Variants in SLC37A2 observed in about 807,000 individuals in gnomAD.
SLC37A2 encodes glucose-6-phosphate exchanger SLC37A2.
SLC37A2 carries 59 observed loss-of-function variants against 70.7 expected under a neutral mutation model. That is an observed-to-expected ratio of 0.83 (90% CI 0.68 to 1.04). SLC37A2 has a LOEUF of 1.04. Ranked by LOEUF, SLC37A2 falls within the 50% of genes least tolerant of loss-of-function variation. The probability of loss-of-function intolerance (pLI) is 0.00; values close to 1 mark genes in which losing one functional copy is unlikely to be tolerated. For missense variants in SLC37A2, 580 were observed against 658.1 expected, an observed-to-expected ratio of 0.88 and a Z score of 1.30; for synonymous variants, 257 against 262.1, an observed-to-expected ratio of 0.98 and a Z score of 0.19.
chr11:125,085,799 C>T, intron 16 of SLC37A2, 125 bp downstream of exon 16: 2 of 1,257,284 alleles, frequency 1.6e-6, no homozygotes, highest in Non-Finnish European at 2.3e-6. Flanking sequence ...GCCCTTTGCT[C>T]AGAAGCACTC....
At position 125,077,474 on chromosome 11, in the gene SLC37A2, TA is replaced by T. The variant is rs1949101099; in HGVS notation, c.261del (p.Gly89AlafsTer77). On this transcript the variant is annotated frameshift_variant, in exon 4 of 18. Coordinates refer to ENST00000403796, the MANE Select transcript of SLC37A2 (RefSeq NM_001145290.2). LOFTEE classifies it high-confidence loss of function. ...PFDKDNYKEL[L>X]GGVDNAFLIA... Reference sequence around the variant, plus strand: ...GACAAGGACAACTATAAGGAGTTACTAGGGGGCGTGGACAACGCCTTCCTCA... The same window carrying T: ...GACAAGGACAACTATAAGGAGTTACTGGGGGCGTGGACAACGCCTTCCTCA... 1 of 1,613,758 alleles carries T rather than the reference TA, an allele frequency of 6.2e-7. No individual in the cohort carries two copies. Among genetic ancestry groups the T allele is most frequent in the African/African-American group, 1.3e-5 (1 of 74,930 alleles).
chr11:125,082,363 G>C (rs577259360), intron 10 of SLC37A2, 29 bp downstream of exon 10: 1 of 1,606,182 alleles, frequency 6.2e-7, no homozygotes, highest in African/African-American at 1.3e-5. Context: ...GAATGAAGGG[G>C]TCTCTGAGGA....
chr11:125,069,548 C>T (rs1366551593), intron 1 of SLC37A2, among the ~76,000 whole-genome samples: 5 of 152,202 alleles, frequency 3.3e-5, no homozygotes, highest in African/African-American at 4.8e-5. Flanking sequence ...TTATAAATTT[C>T]TGTGGAGGGA....
At position 125,084,859 on chromosome 11, in the gene SLC37A2, T is replaced by C. The variant is rs1240763165; in HGVS notation, c.1160T>C (p.Ile387Thr). 2 of 1,613,752 alleles carry C rather than the reference T, an allele frequency of 1.2e-6. No homozygotes were observed. The highest frequency in any genetic ancestry group is 1.7e-6 in the Non-Finnish European group (2 of 1,179,866). ...FLYNYIGQDG[I>T]ASSIVMLIIC... Reference sequence around the variant, plus strand: ...TACAACTACATTGGCCAGGACGGGATTGCCAGCTCCATAGGTGAGGAGGAG... The same window carrying C: ...TACAACTACATTGGCCAGGACGGGACTGCCAGCTCCATAGGTGAGGAGGAG... The change falls in exon 13 of 18, where the codon ATT (isoleucine) becomes ACT (threonine). Residue 387 changes from isoleucine to threonine, a missense_variant. Coordinates refer to ENST00000403796, the MANE Select transcript of SLC37A2 (RefSeq NM_001145290.2).
chr11:125,076,436 G>A (rs1196555701), intron 1 of SLC37A2, among the ~76,000 whole-genome samples: 1 of 152,062 alleles, frequency 6.6e-6, no homozygotes, highest in Non-Finnish European at 1.5e-5. Flanking sequence ...ACACACACAG[G>A]CGCCCTGACC....
Position 125,080,043 on chromosome 11 carries a change from C to T in SLC37A2, c.527+283C>T, listed in dbSNP as rs189202940. 2.0e-3 allele frequency among the ~76,000 whole-genome samples: 312 copies of T among 152,310 alleles called. 3 individuals carry two copies. Among genetic ancestry groups the T allele is most frequent in the African/African-American group, 7.0e-3 (292 of 41,554 alleles). ...CCTATAAAACTTCCGCCCTGCCCCC[C>T]AACCCCGACCCCGAATTGGCTTGTG... is the stretch of plus-strand genomic sequence containing the variant. On this transcript the variant is annotated intron_variant, in intron 6 of 17. Coordinates refer to ENST00000403796, the MANE Select transcript of SLC37A2 (RefSeq NM_001145290.2). This position sits in a 1 kb window ranked among gnomAD's most constrained non-coding sequence, Gnocchi z 4.3.
At chr11:125,074,039 C>T (rs939104559) in intron 1 of SLC37A2, among the ~76,000 whole-genome samples, 5 of 152,226 alleles carry the variant, frequency 3.3e-5, no homozygotes, top group Non-Finnish European at 7.3e-5. Context: ...CCTTCCCAGC[C>T]AGCTCTGCTT....
chr11:125,081,589 A>G (rs1949150827), intron 8 of SLC37A2, 131 bp downstream of exon 8: 2 of 1,374,740 alleles, frequency 1.5e-6, no homozygotes, highest in African/African-American at 2.9e-5. Flanking sequence ...TGCTAGGCCC[A>G]TGGGTTGGCC....
In SLC37A2 at chr11:125,085,633, G is replaced by A. The variant is rs1565400604; in HGVS notation, c.1384G>A (p.Val462Ile). 1 of 1,613,746 alleles carries A rather than the reference G, an allele frequency of 6.2e-7. No individual in the cohort carries two copies. Among genetic ancestry groups the A allele is most frequent in the East Asian group, 2.2e-5 (1 of 44,808 alleles). ...CATCTCCCCCACGGGCTGGAACAAT[G>A]TCTTCTACATGCTCATCTCTGCCGA... ...GLISPTGWNNVFYMLISADVL... is the reference protein window; with the variant it reads ...GLISPTGWNNIFYMLISADVL... The change falls in exon 16 of 18, where the codon GTC becomes ATC. Residue 462 changes from valine to isoleucine, a missense_variant. Coordinates refer to ENST00000403796, the MANE Select transcript of SLC37A2 (RefSeq NM_001145290.2).
rs751386677 is a variant in SLC37A2, at chr11:125,085,439, G to A, written c.1293G>A (p.Thr431=). ...SLKGNAKALS[T]VTAIIDGTGS... is the part of the protein sequence containing the mutation. ...AGGGCAACGCCAAAGCCCTGTCCAC[G>A]GTCACGGCCATCATTGACGGCACCG... The change falls in exon 15 of 18, where the codon ACG becomes ACA. Residue 431 remains threonine (T), a synonymous_variant. Transcript: ENST00000403796. 9.3e-6 allele frequency: 15 copies of A among 1,613,898 alleles called. No individual in the cohort carries two copies. The highest frequency in any genetic ancestry group is 3.3e-5 in the South Asian group (3 of 91,076).
In SLC37A2 at chr11:125,090,044, G is replaced by GT. The variant is rs1591637663; in HGVS notation, c.*1913dup. On this transcript the variant is annotated 3_prime_UTR_variant, in exon 18 of 18. Transcript: ENST00000403796. ...ATCAGCACCCTGTGTTTAGCTCAAG[G>GT]TTTGTGAGTGCACCAGTCGACACTC... 1 of 152,438 alleles carries GT rather than the reference G, an allele frequency of 6.6e-6. No individual in the cohort carries two copies. Among genetic ancestry groups the GT allele is most frequent in the Admixed American group, 6.5e-5 (1 of 15,312 alleles). 9.4% of individuals were successfully genotyped at this position (152,438 alleles called of 1,614,324 possible).
At chr11:125,071,018 G>C (rs768781508) in intron 1 of SLC37A2, among the ~76,000 whole-genome samples, 1 of 152,210 alleles carries the variant, frequency 6.6e-6, no homozygotes, top group African/African-American at 2.4e-5. Flanking sequence ...CTGAGAGCTG[G>C]GGTCAGGGTT....
At chr11:125,079,298 C>T (rs200335110) in intron 5 of SLC37A2, 51 bp downstream of exon 5, 252 of 1,610,716 alleles carry the variant, frequency 1.6e-4, no homozygotes, top group Middle Eastern at 7.5e-4. Context: ...TCGGGAAGGA[C>T]CTGGGAGACC....
At chr11:125,076,392 A>T (rs1300007916) in intron 1 of SLC37A2, among the ~76,000 whole-genome samples, 1 of 151,550 alleles carries the variant, frequency 6.6e-6, no homozygotes, top group Non-Finnish European at 1.5e-5. Context: ...AACCACTCAA[A>T]CTCCCTGCCC....
chr11:125,070,679 A>C (rs1949021531), intron 1 of SLC37A2, among the ~76,000 whole-genome samples: 2 of 152,168 alleles, frequency 1.3e-5, no homozygotes, highest in African/African-American at 4.8e-5. Flanking sequence ...GCTGCTTGGA[A>C]AAGGAAATGA....
intron 1 of SLC37A2, among the ~76,000 whole-genome samples, chr11:125,066,017 C>T (rs1365356354): frequency 7.2e-5 from 11 of 152,204 alleles, no homozygotes; most frequent in Non-Finnish European, 1.5e-5. Flanking sequence ...AGAAGACAGT[C>T]ATCCATCCCC....
At chr11:125,079,973 T>C (rs966103638) in intron 6 of SLC37A2, among the ~76,000 whole-genome samples, 38 of 152,322 alleles carry the variant, frequency 2.5e-4, no homozygotes, top group African/African-American at 7.9e-4. Context: ...TATGTTTTTT[T>C]CTAATAATAG....
intron 1 of SLC37A2, among the ~76,000 whole-genome samples, chr11:125,073,202 G>A (rs547353142): frequency 1.6e-4 from 25 of 152,272 alleles, no homozygotes; most frequent in East Asian, 1.5e-3. Flanking sequence ...GTCTGCCCAC[G>A]GGAGCAGGTG....
At chr11:125,085,903 T>C (rs1949208071) in intron 16 of SLC37A2, 51 bp from the exon 17 acceptor site, 1 of 1,513,400 alleles carries the variant, frequency 6.6e-7, no homozygotes, top group Non-Finnish European at 9.2e-7. Context: ...GGGCACTCAG[T>C]GCTCAGTGCT....
Sources: allele counts gnomAD v4.1 joint callset (sites outside exome capture counted in the v4.1 genomes callset), GRCh38; gene constraint gnomAD v4.1.1; non-coding constraint Gnocchi (gnomAD v3.1); transcripts MANE v1.5; gene names NCBI Gene and HGNC (gene_info 2026-07-23, HGNC 2026-07-21).